UNC5B: variants seen among roughly 807,000 people sequenced by gnomAD.
UNC5B encodes the protein netrin receptor UNC5B.
In UNC5B, 56 loss-of-function variants were observed where a neutral mutation model predicts 103.7. That is an observed-to-expected ratio of 0.54 (90% CI 0.44 to 0.67). The LOEUF (loss-of-function observed/expected upper bound fraction) is 0.67, where lower values mean the gene tolerates loss of function less well. UNC5B is among the 30% of genes least tolerant of loss of function. The pLI, the probability that UNC5B is intolerant of heterozygous loss-of-function variation, is 0.00. For synonymous variants in UNC5B, 577 were observed against 542.0 expected (o/e 1.06, Z -0.90); for missense variants, 1,194 against 1,284.5 (o/e 0.93, Z 1.08).
chr10:71,229,626 T>G (rs750495353), intron 1 of UNC5B, among the ~76,000 whole-genome samples: 1 of 152,182 alleles, frequency 6.6e-6, no homozygotes, highest in Non-Finnish European at 1.5e-5. Flanking sequence ...GGCCCTGATC[T>G]CTGCTGGAAG....
At position 71,286,774 on chromosome 10, in the gene UNC5B, G is replaced by T; in HGVS notation, c.638G>T (p.Arg213Leu). 5.0e-6 allele frequency: 8 copies of T among 1,614,140 alleles called. No homozygotes were observed. The highest frequency in any genetic ancestry group is 6.8e-6 in the Non-Finnish European group (8 of 1,180,020). ...ACCATCGACCACAACCTCATCATCC[G>T]CCAGGCCCGCCTGTCGGACACTGCC... ...LLTIDHNLII[R>L]QARLSDTANY... Residue 213 changes from arginine (R) to leucine (L), a missense_variant, in exon 5 of 17, where the codon CGC (arginine) becomes CTC (leucine). Coordinates refer to ENST00000335350, the MANE Select transcript of UNC5B (RefSeq NM_170744.5).
At chr10:71,216,944 T>C (rs767039616) in intron 1 of UNC5B, among the ~76,000 whole-genome samples, 1 of 152,120 alleles carries the variant, frequency 6.6e-6, no homozygotes, top group Admixed American at 6.5e-5. Flanking sequence ...AGAGTTGGGG[T>C]TGGGTGGAAA....
intron 15 of UNC5B, 59 bp from the exon 16 acceptor site, chr10:71,297,850 G>A: frequency 6.5e-7 from 1 of 1,535,400 alleles, no homozygotes; most frequent in Non-Finnish European, 8.8e-7. Flanking sequence ...AGGGGAGGGA[G>A]GCTGGAGGGC....
At chr10:71,222,723 A>T (rs1843476482) in intron 1 of UNC5B, among the ~76,000 whole-genome samples, 1 of 152,072 alleles carries the variant, frequency 6.6e-6, no homozygotes, top group Non-Finnish European at 1.5e-5. Context: ...GCCTGCCCTG[A>T]CCCAGGAGGC....
chr10:71,218,095 T>G (rs1220184255), intron 1 of UNC5B: 2 of 146,808 alleles, frequency 1.4e-5, no homozygotes, highest in Non-Finnish European at 3.0e-5. Flanking sequence ...GAATGTGTAT[T>G]AAGCAGGTGG....
At chr10:71,282,547 C>A (rs1039047136) in intron 2 of UNC5B, among the ~76,000 whole-genome samples, 1 of 152,198 alleles carries the variant, frequency 6.6e-6, no homozygotes, top group African/African-American at 2.4e-5. Flanking sequence ...CACACTCTTA[C>A]AGGTTCACAG....
chr10:71,214,967 C>T (rs377535576), intron 1 of UNC5B, among the ~76,000 whole-genome samples: 7 of 152,136 alleles, frequency 4.6e-5, no homozygotes, highest in Non-Finnish European at 7.4e-5. Context: ...TTACTTAGTG[C>T]GGCAGTAGCT....
In UNC5B at chr10:71,242,735, C is replaced by G. The variant is rs577391245; in HGVS notation, c.79+29671C>G. ...CATCCGTTCCTGTAGATGATTGGGT[C>G]TGGGCTCTTGGTCGGCGGCCCCCAG... On this transcript the variant is annotated intron_variant, in intron 1 of 16. Transcript: ENST00000335350. Among the ~76,000 whole-genome samples, 45 of 152,328 alleles carry G rather than the reference C, an allele frequency of 3.0e-4. No individual in the cohort carries two copies. The East Asian group carries it at 8.1e-3, about 27-fold the overall frequency.
intron 1 of UNC5B, among the ~76,000 whole-genome samples, chr10:71,245,223 G>C (rs963845815): frequency 1.3e-5 from 2 of 152,186 alleles, no homozygotes; most frequent in Admixed American, 1.3e-4. Flanking sequence ...GCTTAGAGCT[G>C]GGAGCCCCTT....
intron 1 of UNC5B, among the ~76,000 whole-genome samples, chr10:71,252,173 T>C (rs952531940): frequency 2.0e-5 from 3 of 152,260 alleles, no homozygotes; most frequent in Non-Finnish European, 4.4e-5. Flanking sequence ...CCCTATATAG[T>C]TGATCATTCA....
rs981380959 is a variant in UNC5B at position 71,282,125 on chromosome 10, G to T, written c.304+2080G>T. 2.0e-5 allele frequency among the ~76,000 whole-genome samples: 3 copies of T among 152,210 alleles called. No homozygotes were observed. The South Asian group carries it at 6.2e-4, about 32-fold the overall frequency. On this transcript the variant is annotated intron_variant, in intron 2 of 16. Transcript: ENST00000335350. The stretch of plus-strand genomic sequence containing the variant: ...ACAGGCCCTGCCAGCCCTAGAAATT[G>T]GGGCACTGTTGTCCCCATTAGCTGC...
Position 71,212,732 on chromosome 10 carries a change from TCA to T in UNC5B, c.-253_-252del, listed in dbSNP as rs1843251842. 1.5e-5 allele frequency: 5 copies of T among 334,396 alleles called. No homozygotes were observed. Among genetic ancestry groups the T allele is most frequent in the Non-Finnish European group, 2.7e-5 (5 of 185,088 alleles). The allele number at this position is 334,396 out of a possible 1,614,324, so 20.7% of individuals were successfully genotyped here. A position where few individuals can be genotyped will look rare whatever the true frequency, so the allele number is the denominator to read the frequency against. The stretch of plus-strand genomic sequence containing the variant: ...CACAGCGCCGGAGCCAGGCGAGCGC[TCA>T]GAGACCCGGAGCCAGAGGGGCGCGC... On this transcript the variant is annotated 5_prime_UTR_variant, in exon 1 of 17. Coordinates refer to ENST00000335350, the MANE Select transcript of UNC5B (RefSeq NM_170744.5).
In UNC5B at chr10:71,287,688, A is replaced by G. The variant is rs376265302; in HGVS notation, c.824A>G (p.Asn275Ser). 1 of 1,612,910 alleles carries G rather than the reference A, an allele frequency of 6.2e-7. No individual in the cohort carries two copies. The highest frequency in any genetic ancestry group is 1.7e-5 in the Admixed American group (1 of 59,934). Residue 275 changes from asparagine to serine, a missense_variant, in exon 6 of 17, where the codon AAC (asparagine) becomes AGC (serine). Transcript: ENST00000335350. ...CAGAAGCGCACCCGGACCTGCACCA[A>G]CCCCGCTCCACTCAACGGAGGGGCC... ...GWQKRTRTCTNPAPLNGGAFC... is the reference protein window; with the variant it reads ...GWQKRTRTCTSPAPLNGGAFC...
chr10:71,237,970 GCTTCCTGTGT>G (rs1564711082), intron 1 of UNC5B, among the ~76,000 whole-genome samples: 1 of 152,178 alleles, frequency 6.6e-6, no homozygotes, highest in Non-Finnish European at 1.5e-5. Context: ...GGATCAAGGG[GCTTCCTGTGT>G]CTTCCCACAG....
intron 1 of UNC5B, among the ~76,000 whole-genome samples, chr10:71,258,733 A>G (rs913561085): frequency 6.6e-6 from 1 of 152,336 alleles, no homozygotes; most frequent in East Asian, 1.9e-4. Context: ...GAGCTTGGCC[A>G]AGCTGGCACC....
chr10:71,290,813 C>T (rs768703120), intron 8 of UNC5B, 102 bp from the exon 9 acceptor site: 46 of 1,378,188 alleles, frequency 3.3e-5, no homozygotes, highest in African/African-American at 1.3e-4. Context: ...AGCACCGGGC[C>T]GGTTGGCCCT....
intron 1 of UNC5B, among the ~76,000 whole-genome samples, chr10:71,216,286 A>G (rs1344921790): frequency 1.3e-5 from 2 of 152,258 alleles, no homozygotes; most frequent in Non-Finnish European, 2.9e-5. Flanking sequence ...CACTTAAGGC[A>G]GGCAGCTAAA....
intron 1 of UNC5B, among the ~76,000 whole-genome samples, chr10:71,219,779 A>C (rs1843415059): frequency 6.6e-6 from 1 of 152,206 alleles, no homozygotes; most frequent in African/African-American, 2.4e-5. Context: ...TGGCATTCAG[A>C]GCATTGCAGA....
intron 13 of UNC5B, 127 bp from the exon 14 acceptor site, chr10:71,295,684 G>A (rs1173340930): frequency 2.7e-6 from 3 of 1,128,610 alleles, no homozygotes; most frequent in Admixed American, 2.2e-5. Flanking sequence ...TAAGCCCTCT[G>A]TGAGCTCTTG....
Sources: allele counts gnomAD v4.1 joint callset (sites outside exome capture counted in the v4.1 genomes callset), GRCh38; gene constraint gnomAD v4.1.1; transcripts MANE v1.5; gene names NCBI Gene and HGNC (gene_info 2026-07-23, HGNC 2026-07-21).